Variants in INSR observed in about 807,000 individuals in gnomAD.
INSR encodes insulin receptor, also known as IR.
Under a neutral mutation model 142.6 loss-of-function variants are expected in INSR, and 67 were observed. The observed-to-expected ratio is 0.47, with a 90% CI of 0.39 to 0.58. The LOEUF (loss-of-function observed/expected upper bound fraction) is 0.58. Ranked by LOEUF, INSR falls within the 20% of genes least tolerant of loss-of-function variation. The probability of loss-of-function intolerance (pLI) is 0.00; values close to 1 mark genes in which losing one functional copy is unlikely to be tolerated. For synonymous variants in INSR, 756 were observed against 743.1 expected (o/e 1.02, Z -0.28); for missense variants, 1,248 against 1,833.2 (o/e 0.68, Z 5.83).
At chr19:7,289,415 T>C (rs2145254776) in intron 1 of INSR, among the ~76,000 whole-genome samples, 1 of 149,046 alleles carries the variant, frequency 6.7e-6, no homozygotes, top group South Asian at 2.1e-4. Context: ...CTTTTTTTTT[T>C]TTTTTTTTGA....
chr19:7,148,288 C>T (rs1213152389), intron 11 of INSR, among the ~76,000 whole-genome samples: 1 of 151,982 alleles, frequency 6.6e-6, no homozygotes, highest in Non-Finnish European at 1.5e-5. Flanking sequence ...TCCTTCTGAC[C>T]CCATCACCCA....
In INSR at chr19:7,144,721, C is replaced by A. The variant is rs1386994556; in HGVS notation, c.2268-1631G>T. Reference sequence around the variant, plus strand: ...ACATGGCTCTTTTTTTTTTTTTTTGCTGTTATAAATATTCCTTTGATCATT... The same window carrying A: ...ACATGGCTCTTTTTTTTTTTTTTTGATGTTATAAATATTCCTTTGATCATT... On this transcript the variant is annotated intron_variant, in intron 11 of 21. Transcript: ENST00000302850. Among the ~76,000 whole-genome samples the A allele has an allele frequency of 4.2e-5, 6 of 141,434 alleles. No homozygotes were observed. The Admixed American group carries it at 4.4e-4, about 10-fold the overall frequency. The allele number at this position is 141,434 out of a possible 152,430, so 92.8% of individuals were successfully genotyped here.
At chr19:7,161,772 G>A (rs1338084587) in intron 9 of INSR, among the ~76,000 whole-genome samples, 1 of 152,130 alleles carries the variant, frequency 6.6e-6, no homozygotes, top group Non-Finnish European at 1.5e-5. Context: ...AGGCAGGGAG[G>A]GAGAAAGAAG....
chr19:7,176,363 G>A (rs964274654), intron 3 of INSR, among the ~76,000 whole-genome samples: 15 of 152,362 alleles, frequency 9.8e-5, no homozygotes, highest in Admixed American at 7.2e-4. Flanking sequence ...CACTTTGGGA[G>A]GCCAAGGCGA....
intron 17 of INSR, among the ~76,000 whole-genome samples, chr19:7,124,790 C>T (rs1029385516): frequency 6.7e-6 from 1 of 150,090 alleles, no homozygotes; most frequent in Non-Finnish European, 1.5e-5. Context: ...ACATAGGACT[C>T]AAAGAGGAAC....
rs1568480264 is a variant in INSR, at chr19:7,197,516, G to GTGGGT, written c.653-12880_653-12879insACCCA. On this transcript the variant is annotated intron_variant, in intron 2 of 21. Coordinates refer to ENST00000302850, the MANE Select transcript of INSR (RefSeq NM_000208.4). ...TGGCAGGTTCCAGAGTGGGAGTGGG[G>GTGGGT]GTGTGTGTGTGTGTGTGTGTGTGTG... 4.2e-5 allele frequency among the ~76,000 whole-genome samples: 3 copies of GTGGGT among 70,924 alleles called. 1 individual carries two copies. Among genetic ancestry groups the GTGGGT allele is most frequent in the African/African-American group, 6.1e-5 (1 of 16,418 alleles). 46.5% of individuals were successfully genotyped at this position (70,924 alleles called of 152,430 possible).
chr19:7,128,763 A>T (rs1972705901), intron 15 of INSR, 89 bp downstream of exon 15: 6 of 874,940 alleles, frequency 6.9e-6, no homozygotes, highest in South Asian at 1.4e-5. Context: ...ATTCATAATA[A>T]ACTTAAATAT....
At chr19:7,224,989 CAG>C (rs1490245329) in intron 2 of INSR, among the ~76,000 whole-genome samples, 1 of 151,704 alleles carries the variant, frequency 6.6e-6, no homozygotes, top group Non-Finnish European at 1.5e-5. Flanking sequence ...GACAGACAGA[CAG>C]AGACAGAGAG....
At chr19:7,229,256 T>C (rs1301468635) in intron 2 of INSR, among the ~76,000 whole-genome samples, 4 of 136,776 alleles carry the variant, frequency 2.9e-5, no homozygotes, top group African/African-American at 1.1e-4. Flanking sequence ...GATGAATGGA[T>C]AGATGGATGG....
Position 7,141,823 on chromosome 19 carries a change from G to A in INSR, c.2543-7C>T. ...ACAATGTCATCAGCCTTGGCTGTAA[G>A]GAGAGGAAGTGAGAGGCAGGGATGT... is the stretch of plus-strand genomic sequence containing the variant. On this transcript the variant is annotated splice_polypyrimidine_tract_variant and splice_region_variant and intron_variant, in intron 12 of 21. Transcript: ENST00000302850. 2.5e-6 allele frequency: 4 copies of A among 1,613,400 alleles called. No individual in the cohort carries two copies. The highest frequency in any genetic ancestry group is 3.4e-6 in the Non-Finnish European group (4 of 1,179,332).
intron 2 of INSR, among the ~76,000 whole-genome samples, chr19:7,199,589 G>C (rs908496989): frequency 1.6e-5 from 2 of 124,570 alleles, no homozygotes; most frequent in Non-Finnish European, 1.7e-5. Flanking sequence ...TTTTGAGAGC[G>C]GGTCTCTCTA....
intron 2 of INSR, among the ~76,000 whole-genome samples, chr19:7,188,419 G>A (rs563506886): frequency 5.3e-5 from 8 of 151,448 alleles, no homozygotes; most frequent in African/African-American, 1.7e-4. Context: ...GGTGGTGGGC[G>A]CCTGTAATCC....
chr19:7,273,769 G>A lies in INSR; in HGVS notation c.101-5873C>T, dbSNP rs374022365. ...TGACCTCAGGTGATCCGCCCACCTCGGCCTCCCAAAGTGCTGGGATTACAG... is the reference window on the plus strand; with the variant it reads ...TGACCTCAGGTGATCCGCCCACCTCAGCCTCCCAAAGTGCTGGGATTACAG... On this transcript the variant is annotated intron_variant, in intron 1 of 21. Coordinates refer to ENST00000302850, the MANE Select transcript of INSR (RefSeq NM_000208.4). 4.9e-4 allele frequency among the ~76,000 whole-genome samples: 75 copies of A among 151,698 alleles called. 1 individual carries two copies. The East Asian group carries it at 5.7e-3, about 11-fold the overall frequency.
chr19:7,188,548 CA>C (rs150147242), intron 2 of INSR, among the ~76,000 whole-genome samples: 86,193 of 121,198 alleles, frequency 0.71, 28,818 homozygotes, highest in African/African-American at 0.73. Flanking sequence ...AGACTCCGTC[CA>C]AAAAAAAAAA....
rs35692691 is a variant in INSR at position 7,194,678 on chromosome 19, ATTTTTT to A, written c.653-10047_653-10042del. Among the ~76,000 whole-genome samples, 4 of 111,326 alleles carry A rather than the reference ATTTTTT, an allele frequency of 3.6e-5. No homozygotes were observed. The East Asian group carries it at 7.9e-4, about 22-fold the overall frequency. 73.0% of individuals were successfully genotyped at this position (111,326 alleles called of 152,430 possible). A position where few individuals can be genotyped will look rare whatever the true frequency, so the allele number is the denominator to read the frequency against. On this transcript the variant is annotated intron_variant, in intron 2 of 21. Transcript: ENST00000302850. The stretch of plus-strand genomic sequence containing the variant: ...CAGGCACACGCCACCACACCAACTG[ATTTTTT>A]TTTTTTTTTTTTTTTTAGTGGAGAA...
Position 7,143,132 on chromosome 19 carries a change from CA to C in INSR, c.2268-43del, listed in dbSNP as rs375004570. 7.0e-5 allele frequency: 113 copies of C among 1,607,848 alleles called. 1 individual carries two copies. In the East Asian group the frequency reaches 2.5e-3, roughly 35 times the overall value. On this transcript the variant is annotated intron_variant, in intron 11 of 21. Coordinates refer to ENST00000302850, the MANE Select transcript of INSR (RefSeq NM_000208.4). ...ACATGTATGATGACACCATCACCAT[CA>C]TTTTTTTTAAAAAAGTGACACTGGA...
At position 7,162,056 on chromosome 19, in the gene INSR, G is replaced by A. The variant is rs563958331; in HGVS notation, c.2029+976C>T. ...TAAAAATTAGCCAGGGCCAGGCGTGGTGGCTCATGCCTGTAATCACAGCAC... is the reference window on the plus strand; with the variant it reads ...TAAAAATTAGCCAGGGCCAGGCGTGATGGCTCATGCCTGTAATCACAGCAC... On this transcript the variant is annotated intron_variant, in intron 9 of 21. Coordinates refer to ENST00000302850, the MANE Select transcript of INSR (RefSeq NM_000208.4). Among the ~76,000 whole-genome samples the A allele has an allele frequency of 3.9e-5, 6 of 152,140 alleles. No individual in the cohort carries two copies. In the South Asian group the frequency reaches 1.2e-3, roughly 32 times the overall value.
chr19:7,290,834 G>A (rs1239068611), intron 1 of INSR, among the ~76,000 whole-genome samples: 1 of 151,298 alleles, frequency 6.6e-6, no homozygotes, highest in African/African-American at 2.4e-5. Flanking sequence ...CACTTTGGGA[G>A]GCCGAGGCGG....
At chr19:7,288,020 C>T (rs1388739903) in intron 1 of INSR, among the ~76,000 whole-genome samples, 1 of 152,118 alleles carries the variant, frequency 6.6e-6, no homozygotes, top group Non-Finnish European at 1.5e-5. Context: ...GCCTGAGGGC[C>T]ATAGTTTGCT....
Sources: gnomAD v4.1 joint callset for allele counts (sites outside exome capture counted in the v4.1 genomes callset) on GRCh38, gnomAD v4.1.1 for gene constraint, MANE v1.5 for transcripts, NCBI Gene and HGNC (gene_info 2026-07-23, HGNC 2026-07-21) for gene names.